The following FARP2 variants were observed in gnomAD, a reference collection of about 807,000 sequenced individuals.
FARP2 encodes FERM, ARH/RhoGEF and pleckstrin domain protein 2, also known as FERM, ARHGEF and pleckstrin domain-containing protein 2.
Under a neutral mutation model 130.5 loss-of-function variants are expected in FARP2, and 111 were observed. The observed-to-expected ratio is 0.85, with a 90% CI of 0.73 to 1.00. FARP2 has a LOEUF of 1.00. Ranked by LOEUF, FARP2 falls within the 50% of genes least tolerant of loss-of-function variation. FARP2 has a pLI of 0.00. For missense variants in FARP2, 1,385 were observed against 1,346.3 expected, an observed-to-expected ratio of 1.03 and a Z score of -0.45; for synonymous variants, 504 against 516.9, an observed-to-expected ratio of 0.98 and a Z score of 0.34.
intron 17 of FARP2, among the ~76,000 whole-genome samples, chr2:241,464,327 T>C (rs1350390021): frequency 2.7e-5 from 4 of 147,526 alleles, no homozygotes; most frequent in Non-Finnish European, 6.0e-5. Flanking sequence ...CAGAGCAGGG[T>C]CCCCCCAGAG....
At chr2:241,441,113 C>T (rs927484454) in intron 12 of FARP2, among the ~76,000 whole-genome samples, 191 bp from the exon 13 acceptor site, 1 of 152,052 alleles carries the variant, frequency 6.6e-6, no homozygotes, top group South Asian at 2.1e-4. Context: ...ACAGACGATC[C>T]TGGGTTGATT....
intron 19 of FARP2, among the ~76,000 whole-genome samples, chr2:241,481,744 C>A (rs1399866065): frequency 1.3e-5 from 2 of 152,070 alleles, no homozygotes; most frequent in Non-Finnish European, 1.5e-5. Context: ...AGATGGTGGC[C>A]CAGGGAACTG....
chr2:241,403,708 T>G, intron 2 of FARP2, 120 bp from the exon 3 acceptor site: 1 of 540,854 alleles, frequency 1.8e-6, no homozygotes. Context: ...TAAATCTTAG[T>G]TATACACTGG....
intron 18 of FARP2, among the ~76,000 whole-genome samples, chr2:241,473,691 C>T (rs937006962): frequency 4.6e-5 from 7 of 152,096 alleles, no homozygotes; most frequent in Non-Finnish European, 8.8e-5. Context: ...ATGGACATGG[C>T]GTGATGAGTC....
At chr2:241,404,070 A>G in intron 3 of FARP2, 138 bp downstream of exon 3, 2 of 598,906 alleles carry the variant, frequency 3.3e-6, no homozygotes, top group South Asian at 4.4e-5. Context: ...TGTAGAGAAT[A>G]TGTCTGCCTT....
At chr2:241,468,512 G>A (rs1398446132) in intron 18 of FARP2, 135 bp downstream of exon 18, 22 of 674,852 alleles carry the variant, frequency 3.3e-5, no homozygotes, top group Non-Finnish European at 3.1e-5. Context: ...GACCACAGTG[G>A]TCAGCATTGG....
At position 241,453,768 on chromosome 2, in the gene FARP2, G is replaced by GTTTTTTTTTTTTTTT. The variant is rs1559786201; in HGVS notation, c.1412-2979_1412-2978insTTTTTTTTTTTTTTT. 1.9e-4 allele frequency among the ~76,000 whole-genome samples: 19 copies of GTTTTTTTTTTTTTTT among 99,896 alleles called. 9 individuals carry two copies. The highest frequency in any genetic ancestry group is 2.6e-4 in the Admixed American group (2 of 7,826). The allele number at this position is 99,896 out of a possible 152,430, so 65.5% of individuals were successfully genotyped here. A position where few individuals can be genotyped will look rare whatever the true frequency, so the allele number is the denominator to read the frequency against. The stretch of plus-strand genomic sequence containing the variant: ...TTGTTTACTGGGAGTGGCACTTACT[G>GTTTTTTTTTTTTTTT]GTTTTTTTTTTTTTTTTTTTTTTTT... On this transcript the variant is annotated intron_variant, in intron 13 of 26. Transcript: ENST00000264042.
chr2:241,491,017 A>G (rs756605851), intron 22 of FARP2, 44 bp from the exon 23 acceptor site: 4 of 1,472,526 alleles, frequency 2.7e-6, no homozygotes, highest in Admixed American at 3.3e-5. Context: ...GGGGCCCTAC[A>G]CAAGGAAGAG....
rs2150474923 is a variant in FARP2 at position 241,463,367 on chromosome 2, C to T, written c.1710C>T (p.Ala570=). The change falls in exon 16 of 27, where the codon GCC becomes GCT. Residue 570 remains alanine, a synonymous_variant. Transcript: ENST00000264042. ...GCAGCGCAGTGGTGAAGGAGGACGC[C>T]ATGCCTGCGACTCTGATGACGCTGC... ...WFRSAVVKED[A]MPATLMTLLF... 6.2e-7 allele frequency: 1 copy of T among 1,614,130 alleles called. No individual in the cohort carries two copies. The highest frequency in any genetic ancestry group is 8.5e-7 in the Non-Finnish European group (1 of 1,180,024).
chr2:241,441,035 A>G (rs951735804), intron 12 of FARP2, among the ~76,000 whole-genome samples: 7 of 152,180 alleles, frequency 4.6e-5, no homozygotes, highest in African/African-American at 1.7e-4. Flanking sequence ...ATTTAATTTT[A>G]AAAACTTTTC....
chr2:241,400,888 GT>G (rs1196449712), intron 2 of FARP2, among the ~76,000 whole-genome samples: 1 of 151,924 alleles, frequency 6.6e-6, no homozygotes, highest in African/African-American at 2.4e-5. Context: ...TTTCTGACTA[GT>G]TAACAGTCTC....
intron 8 of FARP2, among the ~76,000 whole-genome samples, chr2:241,421,674 C>G (rs530307108): frequency 1.1e-4 from 17 of 152,256 alleles, no homozygotes; most frequent in Admixed American, 1.1e-3. Context: ...TGAGCCACCC[C>G]CTACAGGTGC....
chr2:241,402,876 ATATATTTTTTTTTTTTTTT>A lies in FARP2; in HGVS notation c.184-950_184-932del. On this transcript the variant is annotated intron_variant, in intron 2 of 26. Coordinates refer to ENST00000264042, the MANE Select transcript of FARP2 (RefSeq NM_014808.4). Reference sequence around the variant, plus strand: ...TATATATATATATATATATATATATATATATTTTTTTTTTTTTTTTTTTTTTTTTTTTTTTGTAGAGACA... The same window carrying A: ...TATATATATATATATATATATATATATTTTTTTTTTTTTTTTGTAGAGACA... 1.9e-4 allele frequency among the ~76,000 whole-genome samples: 2 copies of A among 10,456 alleles called. 1 individual carries two copies. Among genetic ancestry groups the A allele is most frequent in the Admixed American group, 1.6e-3 (2 of 1,220 alleles). 6.9% of individuals were successfully genotyped at this position (10,456 alleles called of 152,430 possible).
chr2:241,480,849 A>G (rs1256379531), intron 19 of FARP2, among the ~76,000 whole-genome samples: 1 of 152,048 alleles, frequency 6.6e-6, no homozygotes, highest in Non-Finnish European at 1.5e-5. Flanking sequence ...TAGGAGTCCA[A>G]CTTCATTCTT....
In FARP2 at chr2:241,377,464, C is replaced by T. The variant is rs185804470; in HGVS notation, c.183+4174C>T. 5.1e-3 allele frequency among the ~76,000 whole-genome samples: 773 copies of T among 152,144 alleles called. 4 individuals are homozygous for T. Among genetic ancestry groups the T allele is most frequent in the African/African-American group, 0.018 (738 of 41,524 alleles). On this transcript the variant is annotated intron_variant, in intron 2 of 26. Coordinates refer to ENST00000264042, the MANE Select transcript of FARP2 (RefSeq NM_014808.4). ...TCACGCCATTCTCCTGCCTCAGCCT[C>T]CCGAGTAGCTGGGACTATAGGCGCC...
chr2:241,382,290 C>CAATTTTTTT (rs1553709362), intron 2 of FARP2, among the ~76,000 whole-genome samples: 1 of 127,198 alleles, frequency 7.9e-6, no homozygotes, highest in African/African-American at 2.8e-5. Flanking sequence ...TGTACAAAAT[C>CAATTTTTTT]TATTTTTTTT....
intron 12 of FARP2, among the ~76,000 whole-genome samples, chr2:241,438,918 C>T (rs1037774422): frequency 1.3e-5 from 2 of 152,186 alleles, no homozygotes; most frequent in East Asian, 1.9e-4. Flanking sequence ...CGTGAGCCAC[C>T]GCGCCCGGCC....
At chr2:241,456,488 C>T in intron 13 of FARP2, 1 of 397,808 alleles carries the variant, frequency 2.5e-6, no homozygotes. Context: ...GTATCCAGGC[C>T]CCCCTAGAGT....
chr2:241,400,572 A>G (rs2062142178), intron 2 of FARP2, among the ~76,000 whole-genome samples: 1 of 152,240 alleles, frequency 6.6e-6, no homozygotes, highest in Admixed American at 6.5e-5. Flanking sequence ...TTTTTATCAG[A>G]TTCTCAAAGC....
Sources: gnomAD v4.1 joint callset for allele counts (sites outside exome capture counted in the v4.1 genomes callset) on GRCh38, gnomAD v4.1.1 for gene constraint, MANE v1.5 for transcripts, NCBI Gene and HGNC (gene_info 2026-07-23, HGNC 2026-07-21) for gene names.